Variants in ATF7IP observed in about 807,000 individuals in gnomAD.
ATF7IP encodes activating transcription factor 7 interacting protein.
Under a neutral mutation model 106.4 loss-of-function variants are expected in ATF7IP, and 23 were observed. That is an observed-to-expected ratio of 0.22 (90% CI 0.16 to 0.31). The LOEUF is 0.31. ATF7IP is among the 10% of genes least tolerant of loss of function. The pLI is 1.00. For missense variants in ATF7IP, 1,334 were observed against 1,524.3 expected (o/e 0.88, Z 2.08); for synonymous variants, 542 against 539.0 (o/e 1.01, Z -0.08).
intron 1 of ATF7IP, among the ~76,000 whole-genome samples, chr12:14,383,749 CAG>C (rs1271915387): frequency 6.6e-6 from 1 of 152,078 alleles, no homozygotes; most frequent in African/African-American, 2.4e-5. Context: ...TAGAGACAGA[CAG>C]AGATCTCGCT....
intron 1 of ATF7IP, among the ~76,000 whole-genome samples, chr12:14,400,109 G>A (rs1940103689): frequency 6.6e-6 from 1 of 152,186 alleles, no homozygotes; most frequent in South Asian, 2.1e-4. Context: ...AATTACATGA[G>A]TGAATTTTCA....
rs1293856159 is a variant in ATF7IP at position 14,478,378 on chromosome 12, A to G, written c.3003A>G (p.Arg1001=). 1 of 1,614,052 alleles carries G rather than the reference A, an allele frequency of 6.2e-7. No homozygotes were observed. Among genetic ancestry groups the G allele is most frequent in the Non-Finnish European group, 8.5e-7 (1 of 1,179,948 alleles). The change falls in exon 12 of 15, where the codon CGA becomes CGG. Residue 1001 remains arginine, a synonymous_variant. Transcript: ENST00000261168. ...TGAGTTCTTCTCAGCCTGTGTCACG[A>G]CCATTGCAACCCATACAACCAGCAC... The part of the protein sequence containing the change: ...STMSSSQPVS[R]PLQPIQPAPP...
intron 1 of ATF7IP, chr12:14,367,396 G>A (rs1938351965): frequency 6.6e-6 from 1 of 152,020 alleles, no homozygotes; most frequent in African/African-American, 2.4e-5. Context: ...TATTTGACCT[G>A]ATGTAATTCT....
chr12:14,481,424 C>CA (rs1944424271), intron 13 of ATF7IP: 4 of 550,614 alleles, frequency 7.3e-6, no homozygotes, highest in South Asian at 6.5e-5. Context: ...TCACCACACA[C>CA]AAAAAAGGTA....
intron 1 of ATF7IP, among the ~76,000 whole-genome samples, chr12:14,375,169 ATTATT>A (rs965696930): frequency 1.3e-5 from 2 of 151,924 alleles, no homozygotes; most frequent in African/African-American, 2.4e-5. Context: ...AGATATTCTA[ATTATT>A]TTCTTTTATT....
intron 1 of ATF7IP, among the ~76,000 whole-genome samples, chr12:14,381,805 A>G (rs1216265367): frequency 6.6e-6 from 1 of 151,918 alleles, no homozygotes; most frequent in Non-Finnish European, 1.5e-5. Flanking sequence ...TAATTTGCAT[A>G]TGCAGAGTTT....
At position 14,401,270 on chromosome 12, in the gene ATF7IP, A is replaced by G. The variant is rs550816027; in HGVS notation, c.-7-22639A>G. ...GAATATAGTCGTGTGATCTCGGCTC[A>G]CTGCAACCTCCGCCTCCTGGGGTTC... On this transcript the variant is annotated intron_variant, in intron 1 of 14. Transcript: ENST00000261168. Among the ~76,000 whole-genome samples, 3 of 123,136 alleles carry G rather than the reference A, an allele frequency of 2.4e-5. No homozygotes were observed. The Admixed American group carries it at 2.6e-4, about 11-fold the overall frequency. The allele number at this position is 123,136 out of a possible 152,430, so 80.8% of individuals were successfully genotyped here.
chr12:14,467,693 A>G (rs1329152161), intron 10 of ATF7IP, among the ~76,000 whole-genome samples: 2 of 151,604 alleles, frequency 1.3e-5, no homozygotes, highest in East Asian at 3.9e-4. Context: ...TTTAACAAGT[A>G]ATATTTTCAA....
At chr12:14,475,767 T>G in intron 10 of ATF7IP, 123 bp from the exon 11 acceptor site, 4 of 648,712 alleles carry the variant, frequency 6.2e-6, no homozygotes, top group African/African-American at 1.9e-5. Flanking sequence ...GGTACAGCCA[T>G]TTAAGGGTCC....
chr12:14,407,386 CTTAT>C lies in ATF7IP; in HGVS notation c.-7-16514_-7-16511del, dbSNP rs546107145. 5.5e-4 allele frequency among the ~76,000 whole-genome samples: 83 copies of C among 150,066 alleles called. 1 individual carries two copies. The South Asian group carries it at 0.017, about 30-fold the overall frequency. On this transcript the variant is annotated intron_variant, in intron 1 of 14. Transcript: ENST00000261168. ...TTTTTTTTCTTTTTGTTTTCTCTTT[CTTAT>C]TTATTTATCTATTTATTTTTTGGTT...
At chr12:14,423,382 G>A (rs1195934721) in intron 1 of ATF7IP, among the ~76,000 whole-genome samples, 1 of 151,764 alleles carries the variant, frequency 6.6e-6, no homozygotes, top group Non-Finnish European at 1.5e-5. Flanking sequence ...CCATTGTTGT[G>A]AATTTTCTTT....
chr12:14,455,384 C>T (rs997388167), intron 6 of ATF7IP, among the ~76,000 whole-genome samples: 1 of 152,078 alleles, frequency 6.6e-6, no homozygotes, highest in Admixed American at 6.5e-5. Flanking sequence ...GTTTTTCCCT[C>T]TACACGTATC....
chr12:14,446,892 T>C, intron 5 of ATF7IP, 96 bp from the exon 6 acceptor site: 1 of 875,030 alleles, frequency 1.1e-6, no homozygotes, highest in Non-Finnish European at 1.7e-6. Flanking sequence ...GGATCCTGTT[T>C]TCTATAGGTT....
chr12:14,392,420 G>T (rs1939609534), intron 1 of ATF7IP, among the ~76,000 whole-genome samples: 1 of 152,108 alleles, frequency 6.6e-6, no homozygotes, highest in African/African-American at 2.4e-5. Flanking sequence ...GAGTCTAAAG[G>T]GGACAAAATA....
At chr12:14,395,597 A>G (rs150061124) in intron 1 of ATF7IP, among the ~76,000 whole-genome samples, 2 of 152,300 alleles carry the variant, frequency 1.3e-5, no homozygotes, top group Non-Finnish European at 2.9e-5. Context: ...TCTCACTTGT[A>G]GTGACACCAA....
Position 14,425,329 on chromosome 12 carries a change from G to C in ATF7IP, c.1414G>C (p.Glu472Gln), listed in dbSNP as rs1219772410. ...ETNPDLEEKM[E>Q]SSFGSPSKQE... ...AAATCCAGATTTGGAAGAGAAAATG[G>C]AAAGTTCTTTTGGTTCACCATCTAA... The change falls in exon 2 of 15, where the codon GAA becomes CAA. Residue 472 changes from glutamate to glutamine, a missense_variant. Coordinates refer to ENST00000261168, the MANE Select transcript of ATF7IP (RefSeq NM_018179.5). 1.2e-6 allele frequency: 2 copies of C among 1,610,476 alleles called. No individual in the cohort carries two copies. Among genetic ancestry groups the C allele is most frequent in the Admixed American group, 1.7e-5 (1 of 59,076 alleles).
chr12:14,472,770 G>C (rs1271910355), intron 10 of ATF7IP, among the ~76,000 whole-genome samples: 1 of 152,044 alleles, frequency 6.6e-6, no homozygotes, highest in Admixed American at 6.6e-5. Context: ...TAAACCTCTA[G>C]TTCAAATCTC....
At chr12:14,374,849 C>T (rs944380675) in intron 1 of ATF7IP, among the ~76,000 whole-genome samples, 15 of 152,034 alleles carry the variant, frequency 9.9e-5, no homozygotes, top group Non-Finnish European at 1.6e-4. Flanking sequence ...TCTAATTTTT[C>T]TTTGCTTTAC....
chr12:14,404,819 G>A (rs1373726430), intron 1 of ATF7IP, among the ~76,000 whole-genome samples: 2 of 141,286 alleles, frequency 1.4e-5, no homozygotes, highest in Admixed American at 1.5e-4. Flanking sequence ...TAGAATGGAT[G>A]GAGACCACTG....
Sources: allele counts gnomAD v4.1 joint callset (sites outside exome capture counted in the v4.1 genomes callset), GRCh38; gene constraint gnomAD v4.1.1; transcripts MANE v1.5; gene names NCBI Gene and HGNC (gene_info 2026-07-23, HGNC 2026-07-21).